TRIO: variants seen among roughly 807,000 people sequenced by gnomAD.
TRIO encodes triple functional domain protein.
A neutral mutation model predicts 351.9 loss-of-function variants in TRIO; 58 were observed. The ratio of observed to expected loss-of-function variants is 0.16; its 90% CI spans 0.13 to 0.21. The LOEUF (loss-of-function observed/expected upper bound fraction) is 0.21. Ranked by LOEUF, TRIO falls within the 10% of genes least tolerant of loss-of-function variation. The pLI is 1.00. For synonymous variants in TRIO, 1,758 were observed against 1,595.7 expected (o/e 1.10, Z -2.42); for missense variants, 3,201 against 4,027.8 (o/e 0.79, Z 5.56).
intron 46 of TRIO, among the ~76,000 whole-genome samples, chr5:14,484,140 A>AC (rs1351599737): frequency 6.6e-6 from 1 of 152,152 alleles, no homozygotes. Context: ...AGAACTGCCT[A>AC]CCCATTCTTC....
chr5:14,263,047 G>C (rs1266414468), intron 1 of TRIO, among the ~76,000 whole-genome samples: 2 of 152,166 alleles, frequency 1.3e-5, no homozygotes, highest in Admixed American at 1.3e-4. Context: ...AGTGCTCTCT[G>C]TTTTCCAGTG....
At chr5:14,297,578 GTGGCAGC>G (rs1737471970) in intron 7 of TRIO, 1 of 213,492 alleles carries the variant, frequency 4.7e-6, no homozygotes, top group South Asian at 1.3e-4. Flanking sequence ...GCACTAAGAA[GTGGCAGC>G]TGCTCTTCTC....
At chr5:14,462,986 T>G in intron 36 of TRIO, 61 bp downstream of exon 36, 5 of 1,483,992 alleles carry the variant, frequency 3.4e-6, no homozygotes, top group African/African-American at 1.4e-5. Flanking sequence ...GCACGCTCGG[T>G]AGCTGCTTCA....
At chr5:14,475,834 C>G (rs199815767) in intron 40 of TRIO, among the ~76,000 whole-genome samples, 1 of 152,036 alleles carries the variant, frequency 6.6e-6, no homozygotes, top group Non-Finnish European at 1.5e-5. Context: ...GTCTGCGCAG[C>G]GGGGATAGTA....
chr5:14,356,797 G>A (rs1362637896), intron 11 of TRIO, among the ~76,000 whole-genome samples: 1 of 151,928 alleles, frequency 6.6e-6, no homozygotes, highest in African/African-American at 2.4e-5. Context: ...GGAAAGGAAC[G>A]AACCCTTGAT....
intron 1 of TRIO, among the ~76,000 whole-genome samples, chr5:14,249,622 A>G (rs1794626969): frequency 6.6e-6 from 1 of 152,180 alleles, no homozygotes; most frequent in African/African-American, 2.4e-5. Context: ...AAGGGCAGGC[A>G]TGTTTACTTG....
At chr5:14,147,176 A>C (rs1339371877) in intron 1 of TRIO, among the ~76,000 whole-genome samples, 1 of 152,204 alleles carries the variant, frequency 6.6e-6, no homozygotes, top group Non-Finnish European at 1.5e-5. Context: ...AGACACCACA[A>C]AAATGAGCTA....
At chr5:14,220,647 A>G (rs1364473908) in intron 1 of TRIO, among the ~76,000 whole-genome samples, 2 of 152,244 alleles carry the variant, frequency 1.3e-5, no homozygotes, top group African/African-American at 4.8e-5. Context: ...TATTGCTGAC[A>G]TGCAGAAAGT....
At chr5:14,290,571 A>G in intron 4 of TRIO, 145 bp from the exon 5 acceptor site, 3 of 810,978 alleles carry the variant, frequency 3.7e-6, no homozygotes, top group Non-Finnish European at 5.5e-6. Context: ...ATTTATTTTT[A>G]TGGGGCCAGA....
chr5:14,457,276 G>A (rs1194208855), intron 34 of TRIO, among the ~76,000 whole-genome samples: 2 of 151,224 alleles, frequency 1.3e-5, no homozygotes, highest in Non-Finnish European at 2.9e-5. Context: ...AGGAACTCAG[G>A]GCAAGAACTG....
At chr5:14,439,992 A>T (rs1160068274) in intron 34 of TRIO, among the ~76,000 whole-genome samples, 2 of 152,208 alleles carry the variant, frequency 1.3e-5, no homozygotes, top group African/African-American at 2.4e-5. Context: ...GGATTTTAAA[A>T]TTTTATTATG....
chr5:14,174,797 T>G (rs1416355385), intron 1 of TRIO, among the ~76,000 whole-genome samples: 1 of 152,220 alleles, frequency 6.6e-6, no homozygotes, highest in Non-Finnish European at 1.5e-5. Flanking sequence ...AATAAATGAA[T>G]TATATCTTTA....
At chr5:14,265,918 T>C (rs1795643152) in intron 1 of TRIO, among the ~76,000 whole-genome samples, 1 of 152,188 alleles carries the variant, frequency 6.6e-6, no homozygotes, top group South Asian at 2.1e-4. Flanking sequence ...CTACCTAACA[T>C]TTCACAAAAC....
intron 1 of TRIO, among the ~76,000 whole-genome samples, chr5:14,192,939 C>T (rs1243570600): frequency 6.6e-6 from 1 of 152,150 alleles, no homozygotes; most frequent in Admixed American, 6.5e-5. Context: ...AGGAAAAATG[C>T]CATATATGGC....
At chr5:14,289,945 A>T (rs1736766155) in intron 4 of TRIO, among the ~76,000 whole-genome samples, 1 of 152,250 alleles carries the variant, frequency 6.6e-6, no homozygotes, top group African/African-American at 2.4e-5. Flanking sequence ...TACAGATTAT[A>T]TACAACTCTA....
At chr5:14,367,511 T>A (rs1744708298) in intron 16 of TRIO, among the ~76,000 whole-genome samples, 1 of 152,212 alleles carries the variant, frequency 6.6e-6, no homozygotes, top group South Asian at 2.1e-4. Context: ...TTGTTCACCT[T>A]GACAAGGGTC....
intron 34 of TRIO, among the ~76,000 whole-genome samples, chr5:14,437,738 C>T (rs1448047796): frequency 5.4e-5 from 8 of 146,916 alleles, no homozygotes; most frequent in Admixed American, 3.5e-4. Context: ...TTTAAATTTC[C>T]GCCTCAAAGC....
intron 1 of TRIO, among the ~76,000 whole-genome samples, chr5:14,187,796 T>C (rs1335629812): frequency 6.6e-6 from 1 of 152,192 alleles, no homozygotes; most frequent in Non-Finnish European, 1.5e-5. Context: ...ATTAAAGTAA[T>C]GTATTTGTTT....
intron 34 of TRIO, 35 bp downstream of exon 34, chr5:14,420,056 A>C (rs368446180): frequency 6.3e-6 from 10 of 1,599,306 alleles, no homozygotes; most frequent in Non-Finnish European, 7.7e-6. Flanking sequence ...GCAGACCCCT[A>C]CTGGAAGTGG....
Sources: gnomAD v4.1 joint callset for allele counts (sites outside exome capture counted in the v4.1 genomes callset) on GRCh38, gnomAD v4.1.1 for gene constraint, MANE v1.5 for transcripts, NCBI Gene and HGNC (gene_info 2026-07-23, HGNC 2026-07-21) for gene names.